Variants in ZNF705G observed in about 807,000 individuals in gnomAD.
The protein encoded by ZNF705G is zinc finger protein 705G.
ZNF705G carries 23 observed loss-of-function variants against 19.6 expected under a neutral mutation model. That is an observed-to-expected ratio of 1.17 (90% CI 0.84 to 1.66). ZNF705G has a LOEUF of 1.66. ZNF705G is among the 40% of genes most tolerant of loss of function. The pLI, the probability that ZNF705G is intolerant of heterozygous loss-of-function variation, is 0.00. For synonymous variants in ZNF705G, 146 were observed against 117.7 expected, an observed-to-expected ratio of 1.24 and a Z score of -1.56; for missense variants, 457 against 354.4, an observed-to-expected ratio of 1.29 and a Z score of -2.32.
At chr8:7,383,405 A>T (rs545924499) in intron 1 of ZNF705G, among the ~76,000 whole-genome samples, 57 of 146,450 alleles carry the variant, frequency 3.9e-4, no homozygotes, top group Non-Finnish European at 6.8e-4. Context: ...TGAGCTTCTA[A>T]AGTAACAGGC....
chr8:7,371,459 ATTCTTACCAATAT>A (rs1205138568), intron 2 of ZNF705G, among the ~76,000 whole-genome samples: 2 of 104,156 alleles, frequency 1.9e-5, no homozygotes, highest in Non-Finnish European at 4.0e-5. Flanking sequence ...TAGATTTTGT[ATTCTTACCAATAT>A]TTCTTACCAA....
At position 7,369,988 on chromosome 8, in the gene ZNF705G, A is replaced by G. The variant is rs145647937; in HGVS notation, c.-71-6971T>C. On this transcript the variant is annotated intron_variant, in intron 2 of 6. Transcript: ENST00000400156. ...TCATTCATACTCCTCAGCATCACAC[A>G]ATGTGCCAGTGTAAAAACCTGCACA... Among the ~76,000 whole-genome samples, 1,419 of 149,250 alleles carry G rather than the reference A, an allele frequency of 9.5e-3. 29 individuals are homozygous for G. The highest frequency in any genetic ancestry group is 0.016 in the Non-Finnish European group (1,086 of 67,862).
At chr8:7,379,103 GTA>G (rs1807372959) in intron 2 of ZNF705G, among the ~76,000 whole-genome samples, 2 of 150,512 alleles carry the variant, frequency 1.3e-5, no homozygotes, top group African/African-American at 5.0e-5. Context: ...CATTGAAAGA[GTA>G]TAGAATCAAG....
intron 3 of ZNF705G, 114 bp from the exon 4 acceptor site, chr8:7,361,350 G>A (rs1161683807): frequency 3.8e-6 from 6 of 1,565,042 alleles, no homozygotes; most frequent in Non-Finnish European, 5.1e-6. Flanking sequence ...CAGTGTTTTG[G>A]GTTCCAGCCA....
In ZNF705G at chr8:7,358,502, G is replaced by A. The variant is rs748380923; in HGVS notation, c.377C>T (p.Thr126Ile). Residue 126 changes from threonine (T) to isoleucine (I), a missense_variant, in exon 7 of 7, where the codon ACT becomes ATT. Coordinates refer to ENST00000400156, the MANE Select transcript of ZNF705G (RefSeq NM_001164457.3). Reference protein sequence around the residue: ...FECNDSGEDCTRSSTITQCLL... With the variant: ...FECNDSGEDCIRSSTITQCLL... ...ACACTGAGTTATTGTGGAACTGCGA[G>A]TGCAATCTTCTCCCGAATCATTACA... 5.0e-6 allele frequency: 8 copies of A among 1,607,614 alleles called. No homozygotes were observed. Among genetic ancestry groups the A allele is most frequent in the Admixed American group, 1.7e-5 (1 of 59,960 alleles).
intron 2 of ZNF705G, among the ~76,000 whole-genome samples, chr8:7,380,227 C>T (rs1325601085): frequency 6.9e-6 from 1 of 144,030 alleles, no homozygotes; most frequent in Non-Finnish European, 1.5e-5. Flanking sequence ...CCTCAGGGGA[C>T]CTGGGGACTC....
intron 1 of ZNF705G, among the ~76,000 whole-genome samples, chr8:7,384,961 T>A (rs1482751179): frequency 3.4e-5 from 5 of 146,064 alleles, no homozygotes; most frequent in African/African-American, 1.1e-4. Context: ...GAGCTGGGAT[T>A]TGAACTATCC....
chr8:7,383,963 G>A (rs1807619590), intron 1 of ZNF705G, among the ~76,000 whole-genome samples: 2 of 141,234 alleles, frequency 1.4e-5, no homozygotes, highest in African/African-American at 6.1e-5. Context: ...ACTCAGGGAT[G>A]CATACCTTTC....
At position 7,370,855 on chromosome 8, in the gene ZNF705G, T is replaced by C. The variant is rs367822942; in HGVS notation, c.-71-7838A>G. The stretch of plus-strand genomic sequence containing the variant: ...CAGACTGGATAAAGAAAATGTGGTA[T>C]GTAAACACCATGGAATACTATGCAG... On this transcript the variant is annotated intron_variant, in intron 2 of 6. Transcript: ENST00000400156. Among the ~76,000 whole-genome samples, 13 of 107,812 alleles carry C rather than the reference T, an allele frequency of 1.2e-4. 1 individual carries two copies. The highest frequency in any genetic ancestry group is 5.9e-4 in the South Asian group (2 of 3,376). 70.7% of individuals were successfully genotyped at this position (107,812 alleles called of 152,430 possible). A position where few individuals can be genotyped will look rare whatever the true frequency, so the allele number is the denominator to read the frequency against.
At chr8:7,366,637 C>G (rs546064229) in intron 2 of ZNF705G, among the ~76,000 whole-genome samples, 37 of 149,638 alleles carry the variant, frequency 2.5e-4, no homozygotes, top group Admixed American at 1.1e-3. Flanking sequence ...AAACAATATC[C>G]ATGGACAAAT....
rs1396723831 is a variant in ZNF705G, at chr8:7,357,611, C to T, written c.*365G>A. The T allele has an allele frequency of 5.3e-6, 2 of 380,208 alleles. No homozygotes were observed. Among genetic ancestry groups the T allele is most frequent in the Non-Finnish European group, 9.2e-6 (2 of 216,652 alleles). The allele number at this position is 380,208 out of a possible 1,614,324, so 23.6% of individuals were successfully genotyped here. A position where few individuals can be genotyped will look rare whatever the true frequency, so the allele number is the denominator to read the frequency against. On this transcript the variant is annotated 3_prime_UTR_variant, in exon 7 of 7. Coordinates refer to ENST00000400156, the MANE Select transcript of ZNF705G (RefSeq NM_001164457.3). The stretch of plus-strand genomic sequence containing the variant: ...TTTCAGCTCTCTCATGTCACTTATG[C>T]TCAGATCACTAACAAGTCTTTGGTA...
At chr8:7,362,079 A>C (rs1432017249) in intron 3 of ZNF705G, among the ~76,000 whole-genome samples, 9 of 149,492 alleles carry the variant, frequency 6.0e-5, no homozygotes, top group African/African-American at 1.8e-4. Context: ...TTTCTCTTTT[A>C]AATTTACCTT....
In ZNF705G at chr8:7,357,759, T is replaced by G. The variant is rs1405218272; in HGVS notation, c.*217A>C. ...TTCAAAATGTGAGTCCTTTGGCATG[T>G]TTAGATGCTACAACTACAGCTGAAG... On this transcript the variant is annotated 3_prime_UTR_variant, in exon 7 of 7. Coordinates refer to ENST00000400156, the MANE Select transcript of ZNF705G (RefSeq NM_001164457.3). The G allele has an allele frequency of 8.5e-6, 7 of 820,750 alleles. No individual in the cohort carries two copies. Among genetic ancestry groups the G allele is most frequent in the African/African-American group, 3.9e-5 (2 of 51,482 alleles). The allele number at this position is 820,750 out of a possible 1,614,324, so 50.8% of individuals were successfully genotyped here.
At chr8:7,369,393 A>T (rs1250566648) in intron 2 of ZNF705G, among the ~76,000 whole-genome samples, 1 of 149,336 alleles carries the variant, frequency 6.7e-6, no homozygotes, top group African/African-American at 2.6e-5. Flanking sequence ...ACCCCCACAG[A>T]GTCCACACTG....
chr8:7,378,030 TATCCC>T (rs1807316837), intron 2 of ZNF705G, among the ~76,000 whole-genome samples: 2 of 149,196 alleles, frequency 1.3e-5, no homozygotes, highest in African/African-American at 5.2e-5. Flanking sequence ...AGTATCCTTC[TATCCC>T]ATCTAGATGA....
chr8:7,358,860 A>G (rs1006510057), intron 6 of ZNF705G, among the ~76,000 whole-genome samples: 3 of 149,434 alleles, frequency 2.0e-5, no homozygotes, highest in Non-Finnish European at 4.4e-5. Flanking sequence ...GAAATTCCTC[A>G]TGAGCTGTTA....
chr8:7,361,190 T>C lies in ZNF705G; in HGVS notation c.59A>G (p.Glu20Gly). 1.3e-6 allele frequency: 2 copies of C among 1,593,054 alleles called. No homozygotes were observed. ...EDVAIDFTQE[E>G]WAMMDTSKRK... ...CTTGGATGTGTCCATCATGGCCCAC[T>C]CTTCCTGGGTGAAGTCAATAGCTAC... Residue 20 changes from glutamate (E) to glycine (G), a missense_variant, in exon 4 of 7, where the codon GAG becomes GGG. Glu to Gly is a moderately conservative substitution (Grantham distance 98). Transcript: ENST00000400156.
intron 2 of ZNF705G, among the ~76,000 whole-genome samples, chr8:7,363,952 G>A (rs1462996005): frequency 6.7e-6 from 1 of 149,528 alleles, no homozygotes; most frequent in Non-Finnish European, 1.5e-5. Context: ...AGTACCCCGA[G>A]TCATGGTGTT....
chr8:7,365,337 C>G (rs1354453242), intron 2 of ZNF705G, among the ~76,000 whole-genome samples: 1 of 148,540 alleles, frequency 6.7e-6, no homozygotes, highest in African/African-American at 2.6e-5. Flanking sequence ...AGATGAGAGC[C>G]TGCACAGCTT....
Sources: gnomAD v4.1 joint callset for allele counts (sites outside exome capture counted in the v4.1 genomes callset) on GRCh38, gnomAD v4.1.1 for gene constraint, MANE v1.5 for transcripts, NCBI Gene and HGNC (gene_info 2026-07-23, HGNC 2026-07-21) for gene names.